Variants in LSAMP observed in about 807,000 individuals in gnomAD.
LSAMP encodes the protein limbic system-associated membrane protein.
In LSAMP, 7 loss-of-function variants were observed where a neutral mutation model predicts 38.6. The ratio of observed to expected loss-of-function variants is 0.18; its 90% confidence interval spans 0.10 to 0.34. The LOEUF (loss-of-function observed/expected upper bound fraction) is 0.34, where lower values mean the gene tolerates loss of function less well. LSAMP is among the 10% of genes least tolerant of loss of function. The pLI is 1.00. For missense variants in LSAMP, 313 were observed against 420.0 expected (o/e 0.75, Z 2.23); for synonymous variants, 154 against 166.8 (o/e 0.92, Z 0.59).
intron 1 of LSAMP, among the ~76,000 whole-genome samples, chr3:116,423,910 A>G (rs1210730584): frequency 6.6e-6 from 1 of 152,256 alleles, no homozygotes; most frequent in Admixed American, 6.5e-5. Flanking sequence ...CAGCAAGATC[A>G]AAAAGAAAAT....
intron 6 of LSAMP, among the ~76,000 whole-genome samples, chr3:115,819,451 G>A (rs1051759324): frequency 1.3e-5 from 2 of 151,874 alleles, no homozygotes; most frequent in African/African-American, 4.8e-5. Context: ...TGACAGGAAA[G>A]CGGATTGATT....
intron 1 of LSAMP, among the ~76,000 whole-genome samples, chr3:116,132,618 C>T (rs1384592305): frequency 6.6e-6 from 1 of 152,184 alleles, no homozygotes; most frequent in African/African-American, 2.4e-5. Context: ...CTCAGCCAAT[C>T]TTTTCTCTCG....
At chr3:116,333,112 C>A (rs184673839) in intron 1 of LSAMP, among the ~76,000 whole-genome samples, 1 of 152,034 alleles carries the variant, frequency 6.6e-6, no homozygotes, top group Admixed American at 6.6e-5. Flanking sequence ...TAGGACCTAA[C>A]ACAATAAACC....
intron 3 of LSAMP, among the ~76,000 whole-genome samples, chr3:115,984,288 T>A (rs1559908305): frequency 6.6e-6 from 1 of 152,194 alleles, no homozygotes; most frequent in Non-Finnish European, 1.5e-5. Context: ...ATTTTCTGCA[T>A]ATTAAAATCG....
At chr3:116,422,405 T>C (rs572779276) in intron 1 of LSAMP, among the ~76,000 whole-genome samples, 2 of 152,370 alleles carry the variant, frequency 1.3e-5, no homozygotes, top group South Asian at 2.1e-4. Flanking sequence ...GTATTATAAA[T>C]AATCTAGAGA....
intron 1 of LSAMP, among the ~76,000 whole-genome samples, chr3:116,444,220 T>C (rs1370053214): frequency 6.6e-6 from 1 of 152,110 alleles, no homozygotes; most frequent in Non-Finnish European, 1.5e-5. Context: ...TTGTGTTGAT[T>C]TATATCCACA....
chr3:115,898,256 C>T (rs1260430136), intron 3 of LSAMP, among the ~76,000 whole-genome samples: 3 of 152,068 alleles, frequency 2.0e-5, no homozygotes, highest in Admixed American at 6.6e-5. Context: ...AGATATTTTT[C>T]AACTGTAGGA....
intron 6 of LSAMP, among the ~76,000 whole-genome samples, chr3:115,836,757 G>A (rs564415103): frequency 2.1e-4 from 32 of 152,314 alleles, no homozygotes; most frequent in African/African-American, 7.2e-4. Context: ...AGCAGCTTAA[G>A]CTGTTTTATT....
chr3:116,084,839 C>G (rs551700229), intron 2 of LSAMP, among the ~76,000 whole-genome samples: 1 of 150,950 alleles, frequency 6.6e-6, no homozygotes, highest in African/African-American at 2.4e-5. Context: ...AGAAAAATCA[C>G]GAGATAATCT....
intron 1 of LSAMP, among the ~76,000 whole-genome samples, chr3:116,222,907 T>C (rs946035558): frequency 6.6e-6 from 1 of 151,602 alleles, no homozygotes; most frequent in Admixed American, 6.6e-5. Context: ...GGCTAATTTT[T>C]TTTTGTATTT....
At chr3:115,964,733 G>A (rs895495757) in intron 3 of LSAMP, among the ~76,000 whole-genome samples, 1 of 152,060 alleles carries the variant, frequency 6.6e-6, no homozygotes, top group African/African-American at 2.4e-5. Context: ...CGCATTTCTA[G>A]ATAGCAGCAA....
In LSAMP at chr3:116,110,844, A is replaced by G. The variant is rs577494509; in HGVS notation, c.156-24288T>C. 5.3e-5 allele frequency among the ~76,000 whole-genome samples: 8 copies of G among 152,302 alleles called. No homozygotes were observed. In the East Asian group the frequency reaches 5.8e-4, roughly 11 times the overall value. On this transcript the variant is annotated intron_variant, in intron 1 of 6. Transcript: ENST00000490035. ...AGAGACCACCAAACAGGCTTTGTGTAAGCAACATGGCTGTTTATTTCACCT... is the reference window on the plus strand; with the variant it reads ...AGAGACCACCAAACAGGCTTTGTGTGAGCAACATGGCTGTTTATTTCACCT...
chr3:115,849,485 T>A (rs1559849387), intron 4 of LSAMP, among the ~76,000 whole-genome samples: 1 of 152,182 alleles, frequency 6.6e-6, no homozygotes, highest in Non-Finnish European at 1.5e-5. Flanking sequence ...AGATTTTTTT[T>A]TTTTCTTGTA....
intron 1 of LSAMP, among the ~76,000 whole-genome samples, chr3:116,409,045 T>C (rs951679700): frequency 6.6e-6 from 1 of 152,042 alleles, no homozygotes; most frequent in Admixed American, 6.6e-5. Flanking sequence ...GAGATCATAT[T>C]GGCTCCTAGT....
chr3:116,046,568 T>C (rs1649109034), intron 2 of LSAMP, among the ~76,000 whole-genome samples: 1 of 152,118 alleles, frequency 6.6e-6, no homozygotes, highest in Admixed American at 6.5e-5. Flanking sequence ...GGAGCAGAGC[T>C]CAAAGGCCCT....
At chr3:116,020,944 G>T (rs776454587) in intron 2 of LSAMP, among the ~76,000 whole-genome samples, 11 of 152,068 alleles carry the variant, frequency 7.2e-5, no homozygotes, top group Non-Finnish European at 1.6e-4. Context: ...AATAAAACAG[G>T]AACATTTTCT....
chr3:116,325,551 G>A (rs2047758816), intron 1 of LSAMP, among the ~76,000 whole-genome samples: 1 of 152,118 alleles, frequency 6.6e-6, no homozygotes, highest in Admixed American at 6.6e-5. Context: ...TTCCACTGGA[G>A]GTAGAACTTC....
Position 116,087,530 on chromosome 3 carries a change from T to C in LSAMP, c.156-974A>G, listed in dbSNP as rs560286917. On this transcript the variant is annotated intron_variant, in intron 1 of 6. Transcript: ENST00000490035. ...GCATCCCTGTGGCAAGATTTATGTC[T>C]GCCCCATAGGGAGATGTCCCAAACC... Among the ~76,000 whole-genome samples, 32 of 152,294 alleles carry C rather than the reference T, an allele frequency of 2.1e-4. No homozygotes were observed. The South Asian group carries it at 6.2e-3, about 30-fold the overall frequency.
chr3:115,810,553 C>G, intron 6 of LSAMP, 139 bp from the exon 7 acceptor site: 1 of 682,708 alleles, frequency 1.5e-6, no homozygotes. Context: ...ATGTGCAGCC[C>G]AAGAAGCGCT....
Sources: gnomAD v4.1 joint callset for allele counts (sites outside exome capture counted in the v4.1 genomes callset) on GRCh38, gnomAD v4.1.1 for gene constraint, MANE v1.5 for transcripts, NCBI Gene and HGNC (gene_info 2026-07-23, HGNC 2026-07-21) for gene names.